PPM1E: variants seen among roughly 807,000 people sequenced by gnomAD.
PPM1E encodes protein phosphatase 1E.
Under a neutral mutation model 65.9 loss-of-function variants are expected in PPM1E, and 20 were observed. That is an observed-to-expected ratio of 0.30 (90% CI 0.21 to 0.44). PPM1E has a LOEUF of 0.44. Ranked by LOEUF, PPM1E falls within the 20% of genes least tolerant of loss-of-function variation. The pLI, the probability that PPM1E is intolerant of heterozygous loss-of-function variation, is 1.00. For synonymous variants in PPM1E, 352 were observed against 374.9 expected (o/e 0.94, Z 0.70); for missense variants, 713 against 953.1 (o/e 0.75, Z 3.32).
intron 1 of PPM1E, among the ~76,000 whole-genome samples, chr17:58,944,515 A>G (rs573842793): frequency 6.6e-6 from 1 of 152,194 alleles, no homozygotes; most frequent in Non-Finnish European, 1.5e-5. Context: ...GCCCTAAGCT[A>G]CCACTACTCT....
Position 58,947,895 on chromosome 17 carries a change from T to A in PPM1E, c.465-7754T>A, listed in dbSNP as rs555342802. Among the ~76,000 whole-genome samples the A allele has an allele frequency of 1.6e-4, 24 of 152,272 alleles. 1 individual carries two copies. In the South Asian group the frequency reaches 1.7e-3, roughly 11 times the overall value. ...TGGAATCATCTGAAGGCTTGTGAAC[T>A]TACATGTCAAGCAATTGATAATGGC... On this transcript the variant is annotated intron_variant, in intron 1 of 6. Coordinates refer to ENST00000308249, the MANE Select transcript of PPM1E (RefSeq NM_014906.5).
At chr17:58,850,777 G>C (rs2050819019) in intron 1 of PPM1E, among the ~76,000 whole-genome samples, 1 of 152,182 alleles carries the variant, frequency 6.6e-6, no homozygotes, top group Non-Finnish European at 1.5e-5. Context: ...TTCTCAAGGA[G>C]TATCTTTGTG....
intron 4 of PPM1E, 150 bp downstream of exon 4, chr17:58,969,877 T>C: frequency 1.3e-6 from 1 of 744,950 alleles, no homozygotes; most frequent in South Asian, 1.9e-5. Context: ...TCTGTTGTAG[T>C]TCCAATTCCC....
intron 2 of PPM1E, among the ~76,000 whole-genome samples, chr17:58,962,058 G>A (rs181761574): frequency 3.3e-5 from 5 of 152,248 alleles, no homozygotes; most frequent in Admixed American, 6.5e-5. Context: ...GCCAAGGCGA[G>A]TGGATCACCT....
At chr17:58,972,355 CTT>C (rs367596903) in intron 5 of PPM1E, 80 bp downstream of exon 5, 2,664 of 1,124,186 alleles carry the variant, frequency 2.4e-3, no homozygotes, top group South Asian at 4.4e-3. Flanking sequence ...GATTCACTTA[CTT>C]TTTTTTTTTT....
intron 1 of PPM1E, among the ~76,000 whole-genome samples, chr17:58,821,645 G>T (rs1187022524): frequency 1.3e-5 from 2 of 152,166 alleles, no homozygotes; most frequent in South Asian, 4.1e-4. Flanking sequence ...TCCTTTGATT[G>T]AGAAGCGGAT....
At chr17:58,930,767 A>G (rs7221274) in intron 1 of PPM1E, among the ~76,000 whole-genome samples, 57,378 of 151,980 alleles carry the variant, frequency 0.38, 11,053 homozygotes, top group Middle Eastern at 0.51. Flanking sequence ...AAAAATGAGC[A>G]AAATGAAATG....
chr17:58,892,125 C>T lies in PPM1E; in HGVS notation c.465-63524C>T, dbSNP rs542228133. On this transcript the variant is annotated intron_variant, in intron 1 of 6. Coordinates refer to ENST00000308249, the MANE Select transcript of PPM1E (RefSeq NM_014906.5). ...TGCTGGGATTACAGGTGTGAGCCAC[C>T]GTGCATGGCCATGTTTTACATCTTT... 7.9e-5 allele frequency among the ~76,000 whole-genome samples: 12 copies of T among 152,180 alleles called. No individual in the cohort carries two copies. In the South Asian group the frequency reaches 1.0e-3, roughly 13 times the overall value.
intron 5 of PPM1E, 80 bp downstream of exon 5, chr17:58,972,355 C>CTTT: frequency 2.5e-5 from 29 of 1,144,642 alleles, no homozygotes; most frequent in Middle Eastern, 3.1e-4. Context: ...GATTCACTTA[C>CTTT]TTTTTTTTTT....
intron 2 of PPM1E, among the ~76,000 whole-genome samples, chr17:58,957,400 A>C (rs932027318): frequency 1.3e-5 from 2 of 152,176 alleles, no homozygotes; most frequent in African/African-American, 4.8e-5. Context: ...AAGTGAAATG[A>C]AGTGTTTTCT....
Position 58,756,348 on chromosome 17 carries a change from G to A in PPM1E, c.351G>A (p.Pro117=), listed in dbSNP as rs1305231715. 1.4e-6 allele frequency: 2 copies of A among 1,380,410 alleles called. No individual in the cohort carries two copies. The highest frequency in any genetic ancestry group is 1.8e-5 in the South Asian group (1 of 54,870). The allele number at this position is 1,380,410 out of a possible 1,614,324, so 85.5% of individuals were successfully genotyped here. A position where few individuals can be genotyped will look rare whatever the true frequency, so the allele number is the denominator to read the frequency against. ...CGGGGCACTCGGCCGTGCCGCCGCC[G>A]CCGCCCCAGCTGCCGCCTTTGCCCC... ...AAPGHSAVPP[P]PPQLPPLPPL... is the part of the protein sequence containing the mutation. Residue 117 remains proline, a synonymous_variant, in exon 1 of 7, where the codon CCG becomes CCA. Transcript: ENST00000308249.
At chr17:58,874,998 C>G (rs1401187813) in intron 1 of PPM1E, among the ~76,000 whole-genome samples, 8 of 152,110 alleles carry the variant, frequency 5.3e-5, no homozygotes, top group African/African-American at 1.9e-4. Flanking sequence ...GAGGCAACCT[C>G]TCATGAATTT....
rs1272516188 is a variant in PPM1E at position 58,980,693 on chromosome 17, A to T, written c.1930A>T (p.Ser644Cys). ...AGGGGAGCAGATATACAGAATGCAG[A>T]GCTTGTCTCCTGTCTGTTCAGGGTT... is the stretch of plus-strand genomic sequence containing the variant. Reference protein sequence around the residue: ...STGEQIYRMQSLSPVCSGLEN... With the variant: ...STGEQIYRMQCLSPVCSGLEN... Residue 644 changes from serine to cysteine, a missense_variant, in exon 7 of 7, where the codon AGC becomes TGC. Ser to Cys is a moderately radical substitution (Grantham distance 112). This residue lies in a region of PPM1E where 286 missense variants were observed against 313.8 expected (regional missense o/e 0.91). Coordinates refer to ENST00000308249, the MANE Select transcript of PPM1E (RefSeq NM_014906.5). The surrounding 1 kb of genome is among the most constrained non-coding windows in gnomAD (Gnocchi z 4.7). The T allele has an allele frequency of 6.2e-7, 1 of 1,614,184 alleles. No individual in the cohort carries two copies. The highest frequency in any genetic ancestry group is 1.1e-5 in the South Asian group (1 of 91,090).
chr17:58,896,897 T>C (rs1481339613), intron 1 of PPM1E, among the ~76,000 whole-genome samples: 5 of 152,184 alleles, frequency 3.3e-5, no homozygotes, highest in African/African-American at 4.8e-5. Context: ...GCTGACTCTC[T>C]TGTCAGGGGC....
intron 1 of PPM1E, among the ~76,000 whole-genome samples, chr17:58,947,363 A>G (rs2052172792): frequency 6.6e-6 from 1 of 150,782 alleles, no homozygotes. Context: ...CAGCCACCCA[A>G]GTAGCTGGGA....
intron 1 of PPM1E, among the ~76,000 whole-genome samples, chr17:58,810,027 TAC>T (rs889981579): frequency 8.5e-5 from 12 of 141,476 alleles, no homozygotes; most frequent in African/African-American, 2.9e-4. Flanking sequence ...TAAGATATTT[TAC>T]AGTCTTTTTT....
At chr17:58,821,236 G>A (rs2050476604) in intron 1 of PPM1E, among the ~76,000 whole-genome samples, 1 of 152,024 alleles carries the variant, frequency 6.6e-6, no homozygotes, top group African/African-American at 2.4e-5. Context: ...TCAGCCTCCT[G>A]AGTAGCTGGG....
chr17:58,907,821 G>A (rs952347725), intron 1 of PPM1E, among the ~76,000 whole-genome samples: 3 of 151,942 alleles, frequency 2.0e-5, no homozygotes, highest in Non-Finnish European at 2.9e-5. Flanking sequence ...GCTTTCTTTT[G>A]ATTAGTGTTA....
intron 1 of PPM1E, among the ~76,000 whole-genome samples, chr17:58,777,742 CAATTT>C (rs1246329982): frequency 1.3e-5 from 2 of 152,130 alleles, no homozygotes; most frequent in African/African-American, 4.8e-5. Flanking sequence ...GAATTTAATT[CAATTT>C]AGTCTATGGA....
Sources: allele counts gnomAD v4.1 joint callset (sites outside exome capture counted in the v4.1 genomes callset), GRCh38; gene constraint gnomAD v4.1.1; regional missense constraint gnomAD v4.1.1; non-coding constraint Gnocchi (gnomAD v3.1); transcripts MANE v1.5; gene names NCBI Gene and HGNC (gene_info 2026-07-23, HGNC 2026-07-21).